The following SH2B1 variants were observed in gnomAD, a reference collection of about 807,000 sequenced individuals.
SH2B1 encodes the protein SH2B adaptor protein 1.
SH2B1 carries 15 observed loss-of-function variants against 62.6 expected under a neutral mutation model. That is an observed-to-expected ratio of 0.24 (90% CI 0.16 to 0.37). The LOEUF is 0.37. Among genes scored for constraint, SH2B1 ranks in the 10% least tolerant of loss-of-function variants. SH2B1 has a pLI of 1.00. For synonymous variants in SH2B1, 443 were observed against 438.0 expected, an observed-to-expected ratio of 1.01 and a Z score of -0.14; for missense variants, 925 against 1,015.6, an observed-to-expected ratio of 0.91 and a Z score of 1.21.
In SH2B1 at chr16:28,872,528, C is replaced by T. The variant is rs772717878; in HGVS notation, c.1726-6C>T. On this transcript the variant is annotated splice_polypyrimidine_tract_variant and splice_region_variant and intron_variant, in intron 6 of 7. Transcript: ENST00000684370. This position sits in a 1 kb window ranked among gnomAD's most constrained non-coding sequence, Gnocchi z 5.3. Reference sequence around the variant, plus strand: ...TCCTACCTCACCTCCCCCATCCCGCCCTCAGCACCTGCGTTTGTCGCTGAA... The same window carrying T: ...TCCTACCTCACCTCCCCCATCCCGCTCTCAGCACCTGCGTTTGTCGCTGAA... 24 of 1,607,940 alleles carry T rather than the reference C, an allele frequency of 1.5e-5. No homozygotes were observed. The South Asian group carries it at 2.4e-4, about 16-fold the overall frequency.
intron 4 of SH2B1, 149 bp downstream of exon 4, chr16:28,869,532 G>A: frequency 1.4e-6 from 1 of 698,456 alleles, no homozygotes; most frequent in Non-Finnish European, 2.3e-6. Context: ...GTTGGTCTTT[G>A]ATCCCTGAAC....
rs763966990 is a variant in SH2B1, at chr16:28,869,210, C to A, written c.1136C>A (p.Pro379His). The A allele has an allele frequency of 3.1e-6, 5 of 1,614,066 alleles. No individual in the cohort carries two copies. Among genetic ancestry groups the A allele is most frequent in the Non-Finnish European group, 4.2e-6 (5 of 1,179,974 alleles). ...SDIQECLSPG[P>H]CPATSPRPMT... ...CACCATCTTCCCTGTCTCTGCAGAC[C>A]CTGCCCTGCTACCAGTCCCCGCCCC... Residue 379 changes from proline to histidine, a missense_variant and splice_region_variant, in exon 4 of 8, where the codon CCC (proline) becomes CAC (histidine). By Grantham distance (77) the Pro-to-His change is moderately conservative. This residue lies in a region of SH2B1 where 683 missense variants were observed against 704.0 expected (regional missense o/e 0.97). Coordinates refer to ENST00000684370, the MANE Select transcript of SH2B1 (RefSeq NM_001387430.1).
chr16:28,859,876 C>CA (rs1017739794), upstream of SH2B1, among the ~76,000 whole-genome samples: 2 of 112,206 alleles, frequency 1.8e-5, no homozygotes, highest in African/African-American at 3.0e-5. Flanking sequence ...AGACCCCCCC[C>CA]CCCCGGCTGT....
chr16:28,865,905 C>G lies in SH2B1; in HGVS notation c.-190C>G. The stretch of plus-strand genomic sequence containing the variant: ...GTTGGGCTCCCTTCCCCATTGCTCT[C>G]TGCGGAGTCTGAAGTAGGGTCGGAC... On this transcript the variant is annotated 5_prime_UTR_variant, in exon 1 of 8. Transcript: ENST00000684370. 1 of 1,400,190 alleles carries G rather than the reference C, an allele frequency of 7.1e-7. No individual in the cohort carries two copies. Among genetic ancestry groups the G allele is most frequent in the Non-Finnish European group, 9.2e-7 (1 of 1,082,826 alleles). 86.7% of individuals were successfully genotyped at this position (1,400,190 alleles called of 1,614,324 possible).
chr16:28,869,826 A>C (rs562536350), intron 4 of SH2B1, among the ~76,000 whole-genome samples: 1 of 152,268 alleles, frequency 6.6e-6, no homozygotes, highest in East Asian at 1.9e-4. Flanking sequence ...CCACACACAC[A>C]AACACACAAA....
At chr16:28,856,283 A>AC (rs891240567) in intron 1 of SH2B1, among the ~76,000 whole-genome samples, 2 of 151,534 alleles carry the variant, frequency 1.3e-5, no homozygotes, top group African/African-American at 4.8e-5. Flanking sequence ...AAAAAAAAAA[A>AC]AAAAAACCAC....
In SH2B1 at chr16:28,865,011, G is replaced by T. The variant is rs1482022485; in HGVS notation, c.-1084G>T. Reference sequence around the variant, plus strand: ...TGTTCAAGATAACATCGCTCATAAGGTGGCTGGACTGGGTGCTCATAAGGT... The same window carrying T: ...TGTTCAAGATAACATCGCTCATAAGTTGGCTGGACTGGGTGCTCATAAGGT... On this transcript the variant is annotated 5_prime_UTR_variant, in exon 1 of 8. Coordinates refer to ENST00000684370, the MANE Select transcript of SH2B1 (RefSeq NM_001387430.1). 1 of 789,738 alleles carries T rather than the reference G, an allele frequency of 1.3e-6. No homozygotes were observed. The highest frequency in any genetic ancestry group is 1.5e-6 in the Non-Finnish European group (1 of 651,624). 48.9% of individuals were successfully genotyped at this position (789,738 alleles called of 1,614,324 possible). A position where few individuals can be genotyped will look rare whatever the true frequency, so the allele number is the denominator to read the frequency against.
chr16:28,864,607 G>A lies in SH2B1; in HGVS notation c.-1488G>A, dbSNP rs547573036. 2.7e-5 allele frequency: 27 copies of A among 985,612 alleles called. No homozygotes were observed. In the South Asian group the frequency reaches 1.0e-3, roughly 38 times the overall value. 61.1% of individuals were successfully genotyped at this position (985,612 alleles called of 1,614,324 possible). A position where few individuals can be genotyped will look rare whatever the true frequency, so the allele number is the denominator to read the frequency against. ...TGGCTGTAGGTTTGAACAGGAGTCTGAGGTCGCTGAGGGTTTGGGGAGGCT... is the reference window on the plus strand; with the variant it reads ...TGGCTGTAGGTTTGAACAGGAGTCTAAGGTCGCTGAGGGTTTGGGGAGGCT... On this transcript the variant is annotated 5_prime_UTR_variant, in exon 1 of 8. Coordinates refer to ENST00000684370, the MANE Select transcript of SH2B1 (RefSeq NM_001387430.1).
At position 28,873,059 on chromosome 16, in the gene SH2B1, C is replaced by T. The variant is rs1963131385; in HGVS notation, c.1897+354C>T. ...GCCTTGGGCCTGCCCTTCCCGGGGA[C>T]ACTCGGTCTGATCCCCTTCCCTCCT... On this transcript the variant is annotated intron_variant, in intron 7 of 7. Coordinates refer to ENST00000684370, the MANE Select transcript of SH2B1 (RefSeq NM_001387430.1). This position sits in a 1 kb window ranked among gnomAD's most constrained non-coding sequence, Gnocchi z 4.2. The T allele has an allele frequency of 2.6e-6, 2 of 777,160 alleles. No individual in the cohort carries two copies. Among genetic ancestry groups the T allele is most frequent in the Non-Finnish European group, 4.1e-6 (2 of 493,450 alleles). 48.1% of individuals were successfully genotyped at this position (777,160 alleles called of 1,614,324 possible).
In SH2B1 at chr16:28,852,781, TTTAC is replaced by T. The variant is rs1306905863; in HGVS notation, c.-301+5955_-301+5958del. 4.0e-5 allele frequency among the ~76,000 whole-genome samples: 3 copies of T among 74,532 alleles called. 1 individual carries two copies. The highest frequency in any genetic ancestry group is 8.8e-4 in the South Asian group (2 of 2,266). 48.9% of individuals were successfully genotyped at this position (74,532 alleles called of 152,430 possible). ...ATGTATATATATATTTATATATATA[TTTAC>T]ATATATATTTACATATATATTTACA... is the stretch of plus-strand genomic sequence containing the variant. On this transcript the variant is annotated intron_variant, in intron 1 of 10. Transcript: ENST00000322610.
chr16:28,862,049 GTCTGAA>G (rs1962460457), upstream of SH2B1: 1 of 152,198 alleles, frequency 6.6e-6, no homozygotes. Context: ...GTGTTCACCT[GTCTGAA>G]TCTGTCCGCT....
At chr16:28,852,368 A>T (rs1221820283) in intron 1 of SH2B1, among the ~76,000 whole-genome samples, 1 of 87,170 alleles carries the variant, frequency 1.1e-5, no homozygotes, top group Non-Finnish European at 1.9e-5. Flanking sequence ...ATATATTTAT[A>T]TATATTTACA....
chr16:28,860,065 G>C (rs959535384), upstream of SH2B1, among the ~76,000 whole-genome samples: 1 of 151,884 alleles, frequency 6.6e-6, no homozygotes, highest in Non-Finnish European at 1.5e-5. Flanking sequence ...CTCCTTCAGC[G>C]ACCATCCTCT....
At chr16:28,850,369 G>A (rs1304475012) in intron 1 of SH2B1, among the ~76,000 whole-genome samples, 1 of 152,116 alleles carries the variant, frequency 6.6e-6, no homozygotes, top group African/African-American at 2.4e-5. Flanking sequence ...GACCAGCCTG[G>A]GCAAAATAGT....
rs1165112015 is a variant in SH2B1 at position 28,865,992 on chromosome 16, CCT to C, written c.-96_-95del. 2.0e-6 allele frequency: 3 copies of C among 1,495,592 alleles called. No individual in the cohort carries two copies. The highest frequency in any genetic ancestry group is 2.3e-5 in the East Asian group (1 of 43,742). 92.6% of individuals were successfully genotyped at this position (1,495,592 alleles called of 1,614,324 possible). On this transcript the variant is annotated 5_prime_UTR_variant, in exon 1 of 8. Transcript: ENST00000684370. ...CCCTCAGCAGTGACCCTCGTGTGTG[CCT>C]CTCTCTTCCTTTCGCAGCTGCTGCC...
intron 1 of SH2B1, among the ~76,000 whole-genome samples, chr16:28,858,819 A>T (rs1962377390): frequency 6.6e-6 from 1 of 151,608 alleles, no homozygotes; most frequent in Non-Finnish European, 1.5e-5. Flanking sequence ...GCACGCCTGT[A>T]ATCTCAGCTA....
At chr16:28,868,668 T>C (rs1962864220) in intron 2 of SH2B1, among the ~76,000 whole-genome samples, 1 of 152,048 alleles carries the variant, frequency 6.6e-6, no homozygotes, top group Non-Finnish European at 1.5e-5. Flanking sequence ...ACATTGGTCA[T>C]GTTGGTCTCG....
In SH2B1 at chr16:28,873,069, G is replaced by T; in HGVS notation, c.1897+364G>T. 1.2e-6 allele frequency: 1 copy of T among 832,048 alleles called. No individual in the cohort carries two copies. Among genetic ancestry groups the T allele is most frequent in the South Asian group, 1.8e-5 (1 of 56,748 alleles). The allele number at this position is 832,048 out of a possible 1,614,324, so 51.5% of individuals were successfully genotyped here. A position where few individuals can be genotyped will look rare whatever the true frequency, so the allele number is the denominator to read the frequency against. ...TGCCCTTCCCGGGGACACTCGGTCT[G>T]ATCCCCTTCCCTCCTCCCTCAATGT... On this transcript the variant is annotated intron_variant, in intron 7 of 7. Transcript: ENST00000684370. This position sits in a 1 kb window ranked among gnomAD's most constrained non-coding sequence, Gnocchi z 4.2.
Position 28,867,319 on chromosome 16 carries a change from C to T in SH2B1, c.940-12C>T, listed in dbSNP as rs1222598565. On this transcript the variant is annotated splice_polypyrimidine_tract_variant and intron_variant, in intron 1 of 7. Transcript: ENST00000684370. The stretch of plus-strand genomic sequence containing the variant: ...ACCAAACACCCAGATCTGTTTCTTT[C>T]TCCTGACTTAGGCCTCTCGGCCCCG... 2 of 1,602,852 alleles carry T rather than the reference C, an allele frequency of 1.2e-6. No homozygotes were observed. Among genetic ancestry groups the T allele is most frequent in the South Asian group, 1.1e-5 (1 of 90,860 alleles).
Sources: gnomAD v4.1 joint callset for allele counts (sites outside exome capture counted in the v4.1 genomes callset) on GRCh38, gnomAD v4.1.1 for gene constraint, gnomAD v4.1.1 regional missense constraint, Gnocchi (gnomAD v3.1) non-coding constraint, MANE v1.5 for transcripts, NCBI Gene and HGNC (gene_info 2026-07-23, HGNC 2026-07-21) for gene names.